Variants in PPP1R9A observed in about 807,000 individuals in gnomAD.
PPP1R9A encodes protein phosphatase 1 regulatory subunit 9A.
Under a neutral mutation model 141.9 loss-of-function variants are expected in PPP1R9A, and 59 were observed. The observed-to-expected ratio is 0.42, with a 90% CI of 0.34 to 0.52. The LOEUF (loss-of-function observed/expected upper bound fraction) is 0.52, where lower values mean the gene tolerates loss of function less well. PPP1R9A is among the 20% of genes least tolerant of loss of function. The pLI is 0.10. For missense variants in PPP1R9A, 1,444 were observed against 1,611.9 expected, an observed-to-expected ratio of 0.90 and a Z score of 1.78; for synonymous variants, 500 against 569.7, an observed-to-expected ratio of 0.88 and a Z score of 1.74.
At chr7:95,241,808 G>A (rs34385256) in intron 8 of PPP1R9A, among the ~76,000 whole-genome samples, 32 of 152,180 alleles carry the variant, frequency 2.1e-4, no homozygotes, top group African/African-American at 7.2e-4. Context: ...CTTTATGGAA[G>A]TTTCCACTAC....
In PPP1R9A at chr7:95,294,092, C is replaced by T. The variant is rs1177330903; in HGVS notation, c.*3789C>T. 6.6e-6 allele frequency: 1 copy of T among 152,046 alleles called. No individual in the cohort carries two copies. Among genetic ancestry groups the T allele is most frequent in the African/African-American group, 2.4e-5 (1 of 41,374 alleles). The allele number at this position is 152,046 out of a possible 1,614,324, so 9.4% of individuals were successfully genotyped here. A position where few individuals can be genotyped will look rare whatever the true frequency, so the allele number is the denominator to read the frequency against. Reference sequence around the variant, plus strand: ...GGTGGGCAGTGGTCACTAGGGTTCACGTCACCTACTTAATGCAAAGACCTT... The same window carrying T: ...GGTGGGCAGTGGTCACTAGGGTTCATGTCACCTACTTAATGCAAAGACCTT... On this transcript the variant is annotated 3_prime_UTR_variant, in exon 20 of 20. Transcript: ENST00000433360.
intron 5 of PPP1R9A, among the ~76,000 whole-genome samples, chr7:95,181,296 A>G (rs1833720883): frequency 7.0e-6 from 1 of 142,716 alleles, no homozygotes; most frequent in Admixed American, 7.3e-5. Flanking sequence ...TCATATATAT[A>G]GAATAGAGAG....
At chr7:95,034,163 T>G (rs1808110604) in intron 2 of PPP1R9A, among the ~76,000 whole-genome samples, 1 of 152,148 alleles carries the variant, frequency 6.6e-6, no homozygotes, top group African/African-American at 2.4e-5. Flanking sequence ...TTTATCCAGG[T>G]CTTTTTAAAT....
chr7:94,972,084 A>AC (rs978754811), intron 2 of PPP1R9A, among the ~76,000 whole-genome samples: 3 of 152,186 alleles, frequency 2.0e-5, no homozygotes, highest in African/African-American at 7.2e-5. Context: ...GGCCATGATG[A>AC]CCCAGGCACA....
At chr7:95,100,433 T>C (rs1421141193) in intron 2 of PPP1R9A, among the ~76,000 whole-genome samples, 4 of 152,210 alleles carry the variant, frequency 2.6e-5, no homozygotes, top group Non-Finnish European at 5.9e-5. Flanking sequence ...ATAAGAAGAA[T>C]ACTATGGAGA....
chr7:95,158,765 A>G (rs978684193), intron 4 of PPP1R9A, among the ~76,000 whole-genome samples: 4 of 152,200 alleles, frequency 2.6e-5, no homozygotes, highest in Non-Finnish European at 1.5e-5. Flanking sequence ...ACCCAACAAC[A>G]ACAGTGTAAC....
chr7:95,103,607 A>AT (rs1326194572), intron 2 of PPP1R9A, among the ~76,000 whole-genome samples: 3 of 152,006 alleles, frequency 2.0e-5, no homozygotes, highest in Non-Finnish European at 4.4e-5. Flanking sequence ...TGACCTGGTG[A>AT]TCCGCCTGCC....
intron 2 of PPP1R9A, among the ~76,000 whole-genome samples, chr7:95,003,198 A>C (rs1255400063): frequency 6.6e-6 from 1 of 152,200 alleles, no homozygotes; most frequent in Non-Finnish European, 1.5e-5. Context: ...TTGCTAAAGA[A>C]AACAGTCGTC....
intron 10 of PPP1R9A, among the ~76,000 whole-genome samples, chr7:95,251,547 A>G (rs1001287315): frequency 2.0e-5 from 3 of 152,228 alleles, no homozygotes; most frequent in Non-Finnish European, 1.5e-5. Flanking sequence ...AAAGAAAATT[A>G]TAGTAAGCAG....
chr7:94,911,766 G>C (rs944439679), intron 2 of PPP1R9A, among the ~76,000 whole-genome samples: 12 of 152,200 alleles, frequency 7.9e-5, no homozygotes, highest in African/African-American at 2.7e-4. Context: ...GGAATTGTGA[G>C]ATACGTTCCA....
At chr7:95,208,829 C>A (rs144903700) in intron 7 of PPP1R9A, among the ~76,000 whole-genome samples, 2,382 of 151,796 alleles carry the variant, frequency 0.016, 48 homozygotes, top group Admixed American at 0.044. Flanking sequence ...ACTTTTAAGA[C>A]AGTGAAAAGA....
At chr7:94,918,586 G>C (rs1792376295) in intron 2 of PPP1R9A, among the ~76,000 whole-genome samples, 1 of 151,986 alleles carries the variant, frequency 6.6e-6, no homozygotes, top group Non-Finnish European at 1.5e-5. Context: ...ACTTTTATCT[G>C]ATTCTAGAAC....
chr7:95,027,438 G>A (rs1270246128), intron 2 of PPP1R9A, among the ~76,000 whole-genome samples: 1 of 152,190 alleles, frequency 6.6e-6, no homozygotes, highest in Admixed American at 6.5e-5. Flanking sequence ...GTCCCCATGA[G>A]ATGAGCTGTG....
chr7:95,161,723 C>A (rs1390136483), intron 4 of PPP1R9A, 144 bp from the exon 5 acceptor site: 5 of 547,950 alleles, frequency 9.1e-6, no homozygotes, highest in Non-Finnish European at 1.6e-5. Flanking sequence ...GGAAGCAGAA[C>A]TGACTGTATG....
chr7:94,913,112 T>A (rs1224349290), intron 2 of PPP1R9A, among the ~76,000 whole-genome samples: 1 of 152,166 alleles, frequency 6.6e-6, no homozygotes, highest in East Asian at 1.9e-4. Flanking sequence ...ACCCAGTGAC[T>A]AACTTTTTAA....
At chr7:94,975,191 C>T (rs1799291856) in intron 2 of PPP1R9A, among the ~76,000 whole-genome samples, 1 of 152,052 alleles carries the variant, frequency 6.6e-6, no homozygotes, top group South Asian at 2.1e-4. Flanking sequence ...TGTGCTATAA[C>T]CTAAAAATTG....
intron 2 of PPP1R9A, among the ~76,000 whole-genome samples, chr7:94,983,417 G>C (rs1033644134): frequency 6.6e-6 from 1 of 152,142 alleles, no homozygotes; most frequent in Non-Finnish European, 1.5e-5. Context: ...AAATTACCTT[G>C]AGCAGTATGG....
chr7:95,200,954 C>G (rs1394085087), intron 6 of PPP1R9A, among the ~76,000 whole-genome samples: 1 of 152,186 alleles, frequency 6.6e-6, no homozygotes, highest in African/African-American at 2.4e-5. Flanking sequence ...AAAGCCTGGA[C>G]TCTTTGCAAC....
In PPP1R9A at chr7:95,120,711, G is replaced by A. The variant is rs779356334; in HGVS notation, c.1529-1G>A. 6.2e-7 allele frequency: 1 copy of A among 1,608,856 alleles called. No homozygotes were observed. Among genetic ancestry groups the A allele is most frequent in the South Asian group, 1.1e-5 (1 of 89,630 alleles). On this transcript the variant is annotated splice_acceptor_variant, in intron 3 of 19. Transcript: ENST00000433360. LOFTEE classifies it high-confidence loss of function. ...CTCCCCCCTTTTTTTCTTTTTAATAGATGAGGATGGTCTTGGTATAAGTAT... is the reference window on the plus strand; with the variant it reads ...CTCCCCCCTTTTTTTCTTTTTAATAAATGAGGATGGTCTTGGTATAAGTAT...
Sources: gnomAD v4.1 joint callset for allele counts (sites outside exome capture counted in the v4.1 genomes callset) on GRCh38, gnomAD v4.1.1 for gene constraint, MANE v1.5 for transcripts, NCBI Gene and HGNC (gene_info 2026-07-23, HGNC 2026-07-21) for gene names.